The following IQGAP2 variants were observed in gnomAD, a reference collection of about 807,000 sequenced individuals.
IQGAP2 encodes the protein ras GTPase-activating-like protein IQGAP2.
A neutral mutation model predicts 201.3 loss-of-function variants in IQGAP2; 173 were observed. The observed-to-expected ratio is 0.86, with a 90% confidence interval of 0.76 to 0.98. The LOEUF (loss-of-function observed/expected upper bound fraction) is 0.98, where lower values mean the gene tolerates loss of function less well. Among genes scored for constraint, IQGAP2 ranks in the 50% least tolerant of loss-of-function variants. The pLI is 0.00. For synonymous variants in IQGAP2, 675 were observed against 673.9 expected (o/e 1.00, Z -0.03); for missense variants, 1,687 against 1,864.8 (o/e 0.90, Z 1.76).
At chr5:76,579,375 T>G (rs1418359571) in intron 5 of IQGAP2, among the ~76,000 whole-genome samples, 1 of 151,900 alleles carries the variant, frequency 6.6e-6, no homozygotes, top group Non-Finnish European at 1.5e-5. Flanking sequence ...ATGGCGCAAC[T>G]TTGGGTTCTT....
At chr5:76,651,513 G>C (rs1364944359) in intron 17 of IQGAP2, among the ~76,000 whole-genome samples, 1 of 152,194 alleles carries the variant, frequency 6.6e-6, no homozygotes, top group African/African-American at 2.4e-5. Context: ...TGAGGCAGGA[G>C]GATCAGTTGA....
chr5:76,547,381 T>G (rs1743161373), intron 2 of IQGAP2: 1 of 912,836 alleles, frequency 1.1e-6, no homozygotes, highest in Non-Finnish European at 1.3e-6. Flanking sequence ...TATTTAACAA[T>G]TCCATATTGA....
In IQGAP2 at chr5:76,665,148, A is replaced by G. The variant is rs1171229087; in HGVS notation, c.2652A>G (p.Thr884=). Residue 884 remains threonine (T), a synonymous_variant, in exon 22 of 36, where the codon ACA becomes ACG. Transcript: ENST00000274364. ...AGGAGAGGAGAAAAACACTAGAAAC[A>G]TATCAGCAGCTGTTTTACCTTTTAC... is the stretch of plus-strand genomic sequence containing the variant. The part of the protein sequence containing the change: ...LSKERRKTLE[T]YQQLFYLLQT... The G allele has an allele frequency of 1.2e-6, 2 of 1,613,596 alleles. No individual in the cohort carries two copies. Among genetic ancestry groups the G allele is most frequent in the Non-Finnish European group, 1.7e-6 (2 of 1,179,748 alleles).
chr5:76,424,827 C>A (rs1022359276), intron 1 of IQGAP2, among the ~76,000 whole-genome samples: 3 of 152,158 alleles, frequency 2.0e-5, no homozygotes, highest in Non-Finnish European at 2.9e-5. Context: ...AATTGTAGTA[C>A]CTGCCTGATG....
At chr5:76,548,307 C>A (rs578142956) in intron 2 of IQGAP2, among the ~76,000 whole-genome samples, 6 of 152,322 alleles carry the variant, frequency 3.9e-5, no homozygotes, top group African/African-American at 1.4e-4. Flanking sequence ...CAGACACTTC[C>A]GAAAGTGACC....
At chr5:76,417,794 C>T (rs1751496421) in intron 1 of IQGAP2, among the ~76,000 whole-genome samples, 1 of 151,958 alleles carries the variant, frequency 6.6e-6, no homozygotes. Flanking sequence ...GTTGCCCAGG[C>T]TGGTCTTGAA....
At chr5:76,405,390 A>G (rs1467153932) in intron 1 of IQGAP2, among the ~76,000 whole-genome samples, 1 of 152,108 alleles carries the variant, frequency 6.6e-6, no homozygotes. Context: ...GTGGTGTGCC[A>G]TCTTGTTGGA....
chr5:76,619,772 C>A (rs942940039), intron 13 of IQGAP2, among the ~76,000 whole-genome samples: 2 of 152,258 alleles, frequency 1.3e-5, no homozygotes, highest in Non-Finnish European at 2.9e-5. Context: ...CCCGCCTCGG[C>A]CACCCAAAGT....
intron 1 of IQGAP2, among the ~76,000 whole-genome samples, chr5:76,433,042 T>C (rs1452065514): frequency 2.0e-5 from 3 of 152,194 alleles, no homozygotes; most frequent in Non-Finnish European, 4.4e-5. Flanking sequence ...AAGAGTTTAA[T>C]GACAGAAATT....
At chr5:76,689,359 C>T (rs1746074598) in intron 30 of IQGAP2, among the ~76,000 whole-genome samples, 1 of 151,712 alleles carries the variant, frequency 6.6e-6, no homozygotes, top group Non-Finnish European at 1.5e-5. Flanking sequence ...AGCAAGTTGC[C>T]TCGCCATCAG....
chr5:76,674,764 T>A, intron 27 of IQGAP2, 55 bp downstream of exon 27: 1 of 1,292,148 alleles, frequency 7.7e-7, no homozygotes, highest in Non-Finnish European at 1.1e-6. Context: ...GCAAGAATAA[T>A]ATGTGCTCTG....
intron 19 of IQGAP2, 111 bp downstream of exon 19, chr5:76,654,382 A>C: frequency 1.5e-6 from 1 of 665,338 alleles, no homozygotes; most frequent in Non-Finnish European, 2.6e-6. Context: ...TGAACACTTA[A>C]GAAATAATGG....
intron 2 of IQGAP2, among the ~76,000 whole-genome samples, chr5:76,537,276 C>T (rs1406431999): frequency 1.3e-5 from 2 of 152,108 alleles, no homozygotes; most frequent in African/African-American, 4.8e-5. Context: ...TTAATAAAGG[C>T]CTGTCCGGAA....
At position 76,600,890 on chromosome 5, in the gene IQGAP2, A is replaced by G; in HGVS notation, c.1150A>G (p.Ser384Gly). The stretch of plus-strand genomic sequence containing the variant: ...TGCTTTACTAAACCAGGCCTTGGAA[A>G]GCAACGATCTTGTGTCTGTGCAGAA... ...AVALLNQALE[S>G]NDLVSVQNQL... The change falls in exon 11 of 36, where the codon AGC becomes GGC. Residue 384 changes from serine (S) to glycine (G), a missense_variant. By Grantham distance (56) the Ser-to-Gly change is moderately conservative (BLOSUM62 0). Coordinates refer to ENST00000274364, the MANE Select transcript of IQGAP2 (RefSeq NM_006633.5). 1 of 1,614,166 alleles carries G rather than the reference A, an allele frequency of 6.2e-7. No individual in the cohort carries two copies. The highest frequency in any genetic ancestry group is 8.5e-7 in the Non-Finnish European group (1 of 1,180,000).
intron 17 of IQGAP2, among the ~76,000 whole-genome samples, chr5:76,652,134 T>G (rs1752564937): frequency 6.6e-6 from 1 of 152,230 alleles, no homozygotes; most frequent in African/African-American, 2.4e-5. Context: ...GTCCAGTTTT[T>G]GTAAAGAGTT....
chr5:76,613,901 C>A (rs1334469980), intron 13 of IQGAP2, among the ~76,000 whole-genome samples: 3 of 152,168 alleles, frequency 2.0e-5, no homozygotes, highest in African/African-American at 7.2e-5. Context: ...CCATGTTTTC[C>A]AGGCTGGTCT....
At chr5:76,650,552 A>G (rs1048552191) in intron 17 of IQGAP2, among the ~76,000 whole-genome samples, 2 of 152,196 alleles carry the variant, frequency 1.3e-5, no homozygotes, top group Non-Finnish European at 2.9e-5. Context: ...TATTAGCAAT[A>G]TATCTTAGAG....
intron 1 of IQGAP2, among the ~76,000 whole-genome samples, chr5:76,419,820 C>T (rs1307542967): frequency 6.6e-6 from 1 of 152,130 alleles, no homozygotes; most frequent in Non-Finnish European, 1.5e-5. Context: ...TGGCTCACCC[C>T]TAAATCCTTC....
intron 17 of IQGAP2, among the ~76,000 whole-genome samples, chr5:76,643,163 A>G (rs1038464138): frequency 6.6e-6 from 1 of 152,256 alleles, no homozygotes; most frequent in Non-Finnish European, 1.5e-5. Context: ...GCTGCTTTAT[A>G]CTGTCAAGGA....
Sources: gnomAD v4.1 joint callset for allele counts (sites outside exome capture counted in the v4.1 genomes callset) on GRCh38, gnomAD v4.1.1 for gene constraint, MANE v1.5 for transcripts, NCBI Gene and HGNC (gene_info 2026-07-23, HGNC 2026-07-21) for gene names.